DNAH8: variants seen among roughly 807,000 people sequenced by gnomAD.
DNAH8 encodes the protein axonemal beta dynein heavy chain 8.
In DNAH8, 382 loss-of-function variants were observed where a neutral mutation model predicts 562.1. The observed-to-expected ratio is 0.68, with a 90% confidence interval of 0.63 to 0.74. The LOEUF (loss-of-function observed/expected upper bound fraction) is 0.74. DNAH8 is among the 30% of genes least tolerant of loss of function. The pLI, the probability that DNAH8 is intolerant of heterozygous loss-of-function variation, is 0.00. For missense variants in DNAH8, 5,203 were observed against 5,620.4 expected (o/e 0.93, Z 2.37); for synonymous variants, 1,881 against 1,919.4 (o/e 0.98, Z 0.52).
At chr6:39,013,113 C>CT (rs1178045623) in intron 91 of DNAH8, among the ~76,000 whole-genome samples, 3 of 152,078 alleles carry the variant, frequency 2.0e-5, no homozygotes, top group African/African-American at 4.8e-5. Context: ...TTTTCTTTTT[C>CT]TTTTTTCCTG....
chr6:38,823,049 C>T lies in DNAH8; in HGVS notation c.3720+15C>T. On this transcript the variant is annotated intron_variant, in intron 27 of 92. Coordinates refer to ENST00000327475, the MANE Select transcript of DNAH8 (RefSeq NM_001206927.2). ...TGAAAGTGAAGGTGTCTTTCTGCTA[C>T]TTGTGATGTTGTTTGGGTTTTGTTT... is the stretch of plus-strand genomic sequence containing the variant. 6.4e-7 allele frequency: 1 copy of T among 1,553,110 alleles called. No individual in the cohort carries two copies. Among genetic ancestry groups the T allele is most frequent in the Non-Finnish European group, 8.7e-7 (1 of 1,155,448 alleles).
chr6:38,882,979 C>T lies in DNAH8; in HGVS notation c.7928C>T (p.Ser2643Leu), dbSNP rs138415443. The T allele has an allele frequency of 1.2e-6, 2 of 1,604,908 alleles. No individual in the cohort carries two copies. The highest frequency in any genetic ancestry group is 1.3e-5 in the African/African-American group (1 of 74,688). ...YYPTDSIPEY[S>L]SILVPNVDNI... The stretch of plus-strand genomic sequence containing the variant: ...CCAACTGACAGTATTCCGGAATATT[C>T]ATCAATTTTGGTTCCAAATGTTGAC... The change falls in exon 54 of 93, where the codon TCA (serine) becomes TTA (leucine). Residue 2643 changes from serine to leucine, a missense_variant. This residue lies in a region of DNAH8 where 977 missense variants were observed against 1,061.8 expected (regional missense o/e 0.92). Coordinates refer to ENST00000327475, the MANE Select transcript of DNAH8 (RefSeq NM_001206927.2).
chr6:38,982,833 A>C (rs1477873307), intron 86 of DNAH8, among the ~76,000 whole-genome samples: 1 of 152,210 alleles, frequency 6.6e-6, no homozygotes, highest in East Asian at 1.9e-4. Context: ...TTCTCACCTT[A>C]AGTCACTTCT....
intron 82 of DNAH8, among the ~76,000 whole-genome samples, chr6:38,971,184 G>T (rs573103542): frequency 1.3e-5 from 2 of 152,192 alleles, no homozygotes; most frequent in Non-Finnish European, 2.9e-5. Context: ...TTACAGAAGC[G>T]TCTGCTAAAA....
chr6:38,887,054 A>G (rs1409140591), intron 57 of DNAH8, 50 bp downstream of exon 57: 3 of 1,338,120 alleles, frequency 2.2e-6, no homozygotes, highest in East Asian at 2.3e-5. Flanking sequence ...ATGGACATAA[A>G]CCACACAAAA....
rs1481350475 is a variant in DNAH8, at chr6:38,770,531, T to C, written c.1736T>C (p.Phe579Ser). 3 of 1,602,356 alleles carry C rather than the reference T, an allele frequency of 1.9e-6. No individual in the cohort carries two copies. The highest frequency in any genetic ancestry group is 3.5e-5 in the Admixed American group (2 of 56,526). ...EVSEMYIFGK[F>S]EAFCKRLEKI... Reference sequence around the variant, plus strand: ...TCAGAAATGTATATATTTGGAAAATTTGAAGCTTTTTGCAAAAGACTGGAG... The same window carrying C: ...TCAGAAATGTATATATTTGGAAAATCTGAAGCTTTTTGCAAAAGACTGGAG... The change falls in exon 12 of 93, where the codon TTT becomes TCT. Residue 579 changes from phenylalanine (F) to serine (S), a missense_variant. By Grantham distance (155) the Phe-to-Ser change is radical (BLOSUM62 -2). Around this residue, in one of 6 missense-constraint regions of DNAH8, gnomAD observed 2,176 missense variants for 2,365.1 expected, o/e 0.92. Coordinates refer to ENST00000327475, the MANE Select transcript of DNAH8 (RefSeq NM_001206927.2).
intron 48 of DNAH8, 102 bp from the exon 49 acceptor site, chr6:38,870,299 G>T: frequency 1.0e-6 from 1 of 990,880 alleles, no homozygotes; most frequent in Non-Finnish European, 1.5e-6. Context: ...AGTAATAAAT[G>T]GTTCTCTGGG....
At chr6:38,728,653 GGAA>G (rs917763762) in intron 3 of DNAH8, among the ~76,000 whole-genome samples, 15 of 152,176 alleles carry the variant, frequency 9.9e-5, no homozygotes, top group African/African-American at 3.6e-4. Context: ...TACGGGAGGT[GGAA>G]GAGTAGAGAA....
intron 88 of DNAH8, among the ~76,000 whole-genome samples, chr6:39,004,882 C>G (rs138040927): frequency 3.9e-5 from 6 of 152,260 alleles, no homozygotes; most frequent in South Asian, 2.1e-4. Flanking sequence ...TTTTTATTGC[C>G]AAATAGTATT....
At position 39,001,381 on chromosome 6, in the gene DNAH8, A is replaced by G. The variant is rs190986863; in HGVS notation, c.13215-7433A>G. Among the ~76,000 whole-genome samples, 440 of 152,248 alleles carry G rather than the reference A, an allele frequency of 2.9e-3. 2 individuals are homozygous for G. The highest frequency in any genetic ancestry group is 0.01 in the African/African-American group (420 of 41,570). On this transcript the variant is annotated intron_variant, in intron 88 of 92. Transcript: ENST00000327475. ...CATGTACAGAATGACAAGTACAACA[A>G]TAAAAGCAAGCACTGAGAGCTATGC...
intron 8 of DNAH8, among the ~76,000 whole-genome samples, chr6:38,742,481 T>C (rs1009474328): frequency 1.3e-5 from 2 of 151,852 alleles, no homozygotes; most frequent in Non-Finnish European, 2.9e-5. Context: ...TTTGTATTTG[T>C]TGTAGAGATG....
chr6:38,855,610 C>T (rs1166783751), intron 41 of DNAH8, among the ~76,000 whole-genome samples: 1 of 151,990 alleles, frequency 6.6e-6, no homozygotes, highest in African/African-American at 2.4e-5. Flanking sequence ...ATTAGCATAT[C>T]CATCATCTCA....
intron 48 of DNAH8, among the ~76,000 whole-genome samples, chr6:38,869,875 AATATAG>A (rs1323760970): frequency 6.6e-6 from 1 of 152,192 alleles, no homozygotes; most frequent in Non-Finnish European, 1.5e-5. Flanking sequence ...CTTTGGGTAC[AATATAG>A]ATTCAGTGGT....
chr6:39,026,756 G>GTT, intron 92 of DNAH8, 89 bp downstream of exon 92: 1 of 1,435,758 alleles, frequency 7.0e-7, no homozygotes. Flanking sequence ...GAGTGCCTTG[G>GTT]TTAGGTCCAT....
In DNAH8 at chr6:38,815,510, C is replaced by T. The variant is rs371440557; in HGVS notation, c.3376C>T (p.Arg1126Cys). The change falls in exon 26 of 93, where the codon CGT (arginine) becomes TGT (cysteine). Residue 1126 changes from arginine (R) to cysteine (C), a missense_variant. Physicochemically the swap from Arg to Cys is radical, Grantham distance 180. Around this residue, in one of 6 missense-constraint regions of DNAH8, gnomAD observed 2,176 missense variants for 2,365.1 expected, o/e 0.92. Transcript: ENST00000327475. ...GGATGACATTCAACAAGCCATTAACCGTATGATCCAGTTAACCCTGGAGGT... is the reference window on the plus strand; with the variant it reads ...GGATGACATTCAACAAGCCATTAACTGTATGATCCAGTTAACCCTGGAGGT... ...SLDDIQQAIN[R>C]MIQLTLEVSR... 30 of 1,613,796 alleles carry T rather than the reference C, an allele frequency of 1.9e-5. No individual in the cohort carries two copies. Among genetic ancestry groups the T allele is most frequent in the East Asian group, 6.7e-5 (3 of 44,886 alleles).
chr6:38,922,419 A>G (rs924007378), intron 71 of DNAH8, among the ~76,000 whole-genome samples: 2 of 152,112 alleles, frequency 1.3e-5, no homozygotes, highest in Non-Finnish European at 2.9e-5. Flanking sequence ...ATCGCATACT[A>G]TTTCCACCAT....
intron 36 of DNAH8, among the ~76,000 whole-genome samples, 153 bp from the exon 37 acceptor site, chr6:38,848,495 T>A (rs1242420684): frequency 1.3e-5 from 2 of 152,182 alleles, no homozygotes; most frequent in African/African-American, 4.8e-5. Context: ...AAGCAACAGT[T>A]TTTATTAGCT....
At chr6:38,779,093 A>G (rs981111326) in intron 14 of DNAH8, among the ~76,000 whole-genome samples, 1 of 152,060 alleles carries the variant, frequency 6.6e-6, no homozygotes, top group Non-Finnish European at 1.5e-5. Context: ...AGGGCGAGGA[A>G]TCCCAGATTA....
At position 38,883,423 on chromosome 6, in the gene DNAH8, C is replaced by A; in HGVS notation, c.8103C>A (p.Asn2701Lys). Reference protein sequence around the residue: ...DPEVQLSKSLNFSSATEPMMF... With the variant: ...DPEVQLSKSLKFSSATEPMMF... ...AAGTACAGCTATCCAAAAGTCTAAACTTTTCATCTGCCACAGAACCAATGA... is the reference window on the plus strand; with the variant it reads ...AAGTACAGCTATCCAAAAGTCTAAAATTTTCATCTGCCACAGAACCAATGA... The change falls in exon 55 of 93, where the codon AAC (asparagine) becomes AAA (lysine). Residue 2701 changes from asparagine (N) to lysine (K), a missense_variant. Asn to Lys is a moderately conservative substitution (Grantham distance 94, BLOSUM62 0). This residue lies in a region of DNAH8 where 977 missense variants were observed against 1,061.8 expected (regional missense o/e 0.92). Transcript: ENST00000327475. 6.2e-7 allele frequency: 1 copy of A among 1,612,594 alleles called. No homozygotes were observed. Among genetic ancestry groups the A allele is most frequent in the Non-Finnish European group, 8.5e-7 (1 of 1,179,268 alleles).
Sources: allele counts gnomAD v4.1 joint callset (sites outside exome capture counted in the v4.1 genomes callset), GRCh38; gene constraint gnomAD v4.1.1; regional missense constraint gnomAD v4.1.1; transcripts MANE v1.5; gene names NCBI Gene and HGNC (gene_info 2026-07-23, HGNC 2026-07-21).